Variants in WAPL observed in about 807,000 individuals in gnomAD.
WAPL encodes the protein WAPL cohesin release factor, also known as wings apart-like protein homolog.
In WAPL, 5 loss-of-function variants were observed where a neutral mutation model predicts 121.0. The observed-to-expected ratio is 0.04, with a 90% CI of 0.02 to 0.09. WAPL has a LOEUF of 0.09. Among genes scored for constraint, WAPL ranks in the 10% least tolerant of loss-of-function variants. WAPL has a pLI of 1.00. For missense variants in WAPL, 999 were observed against 1,410.8 expected, an observed-to-expected ratio of 0.71 and a Z score of 4.68; for synonymous variants, 480 against 481.5, an observed-to-expected ratio of 1.00 and a Z score of 0.04.
At chr10:86,488,109 G>A (rs1589524603) in intron 4 of WAPL, among the ~76,000 whole-genome samples, 1 of 152,122 alleles carries the variant, frequency 6.6e-6, no homozygotes. Flanking sequence ...TCGGCGAAGG[G>A]AATTAAAATA....
chr10:86,517,030 G>A (rs1214645176), intron 2 of WAPL, among the ~76,000 whole-genome samples: 1 of 151,846 alleles, frequency 6.6e-6, no homozygotes, highest in African/African-American at 2.4e-5. Context: ...CAGCATGGGC[G>A]ACAGCGAGAC....
chr10:86,473,427 G>T (rs879458972), intron 5 of WAPL, among the ~76,000 whole-genome samples: 4 of 152,124 alleles, frequency 2.6e-5, no homozygotes, highest in Non-Finnish European at 4.4e-5. Flanking sequence ...AAGTTGCTAA[G>T]AATCTTTTTC....
At chr10:86,467,715 C>T (rs1388962028) in intron 8 of WAPL, among the ~76,000 whole-genome samples, 2 of 146,400 alleles carry the variant, frequency 1.4e-5, no homozygotes, top group African/African-American at 5.1e-5. Context: ...CTTACTCTGT[C>T]GCCCAGGCTG....
intron 8 of WAPL, among the ~76,000 whole-genome samples, chr10:86,468,103 T>C (rs969142321): frequency 6.6e-6 from 1 of 152,214 alleles, no homozygotes; most frequent in Non-Finnish European, 1.5e-5. Flanking sequence ...CTGAGTTACA[T>C]ATTTCTTAGG....
intron 1 of WAPL, among the ~76,000 whole-genome samples, chr10:86,518,831 C>A (rs1842611619): frequency 1.3e-5 from 2 of 152,170 alleles, no homozygotes; most frequent in Admixed American, 6.5e-5. Flanking sequence ...TCATGTTTTA[C>A]AACCTGCAGC....
intron 12 of WAPL, among the ~76,000 whole-genome samples, chr10:86,457,527 C>G (rs1357843884): frequency 1.3e-5 from 2 of 151,840 alleles, no homozygotes; most frequent in African/African-American, 4.8e-5. Flanking sequence ...GTGGCGCACA[C>G]CTGTTGTCCC....
chr10:86,471,180 C>T, intron 7 of WAPL, 77 bp from the exon 8 acceptor site: 1 of 1,163,944 alleles, frequency 8.6e-7, no homozygotes, highest in Non-Finnish European at 1.3e-6. Context: ...ATACCAAAAC[C>T]AGCAAATAGG....
rs1841425479 is a variant in WAPL, at chr10:86,467,498, G to C, written c.2151C>G (p.Ser717=). The C allele has an allele frequency of 6.2e-7, 1 of 1,603,408 alleles. No homozygotes were observed. The highest frequency in any genetic ancestry group is 8.5e-7 in the Non-Finnish European group (1 of 1,176,546). Residue 717 remains serine (S), a synonymous_variant, in exon 9 of 19, where the codon TCC becomes TCG. Transcript: ENST00000298767. Reference sequence around the variant, plus strand: ...TATACATGAGGGCAGCTGTACAGAGGGACAGATTCTTCAACAGGCCAAAAA... The same window carrying C: ...TATACATGAGGGCAGCTGTACAGAGCGACAGATTCTTCAACAGGCCAAAAA... ...LDDSQHHQNL[S]LCTAALMYIL... is the part of the protein sequence containing the mutation.
Position 86,518,050 on chromosome 10 carries a change from T to C in WAPL, c.20A>G (p.Lys7Arg). The stretch of plus-strand genomic sequence containing the variant: ...ATTTCCACCTTTCCTACTGTATGTT[T>C]TCCCAAATCTGGATGTCATTTTGAC... MTSRFG[K>R]TYSRKGGNGS... The change falls in exon 2 of 19, where the codon AAA becomes AGA. Residue 7 changes from lysine (K) to arginine (R), a missense_variant. By Grantham distance (26) the Lys-to-Arg change is conservative. Coordinates refer to ENST00000298767, the MANE Select transcript of WAPL (RefSeq NM_015045.5). 1 of 1,612,700 alleles carries C rather than the reference T, an allele frequency of 6.2e-7. No homozygotes were observed.
rs1055189201 is a variant in WAPL, at chr10:86,506,700, G to C, written c.500-5957C>G. ...AGCTACTCAGGAAGTGGGGGTAGGAGGATCACTTAAGCCCAGGAGTTTAAG... is the reference window on the plus strand; with the variant it reads ...AGCTACTCAGGAAGTGGGGGTAGGACGATCACTTAAGCCCAGGAGTTTAAG... On this transcript the variant is annotated intron_variant, in intron 2 of 18. Coordinates refer to ENST00000298767, the MANE Select transcript of WAPL (RefSeq NM_015045.5). 7.2e-5 allele frequency among the ~76,000 whole-genome samples: 11 copies of C among 152,064 alleles called. No homozygotes were observed. In the East Asian group the frequency reaches 1.9e-3, roughly 27 times the overall value.
rs1849329395 is a variant in WAPL, at chr10:86,436,628, C to T, written c.*915G>A. 6.6e-6 allele frequency: 1 copy of T among 152,670 alleles called. No individual in the cohort carries two copies. The highest frequency in any genetic ancestry group is 1.5e-5 in the Non-Finnish European group (1 of 68,038). The allele number at this position is 152,670 out of a possible 1,614,324, so 9.5% of individuals were successfully genotyped here. ...ATGTTATCTGGAAACAGGAATTCCACATTGGTGTTTTAGCTTCCTTATATT... is the reference window on the plus strand; with the variant it reads ...ATGTTATCTGGAAACAGGAATTCCATATTGGTGTTTTAGCTTCCTTATATT... On this transcript the variant is annotated 3_prime_UTR_variant, in exon 19 of 19. Transcript: ENST00000298767.
chr10:86,451,994 T>C lies in WAPL; in HGVS notation c.3087A>G (p.Gln1029=). The change falls in exon 15 of 19, where the codon CAA becomes CAG. Residue 1029 remains glutamine (Q), a synonymous_variant. Transcript: ENST00000298767. ...EGDDSLRIGG[Q]VHAVQALVQL... ...GCACTAAAGCCTGGACAGCATGAAC[T>C]TGTCCACCTATCCTTAAACTATCAT... The C allele has an allele frequency of 6.2e-7, 1 of 1,614,190 alleles. No individual in the cohort carries two copies. The highest frequency in any genetic ancestry group is 1.1e-5 in the South Asian group (1 of 91,086).
At chr10:86,444,509 A>G (rs749336700) in intron 16 of WAPL, among the ~76,000 whole-genome samples, 7 of 152,234 alleles carry the variant, frequency 4.6e-5, no homozygotes, top group Non-Finnish European at 1.0e-4. Context: ...CAGTATTAAC[A>G]AATACTGTAT....
In WAPL at chr10:86,453,351, G is replaced by C. The variant is rs765181153; in HGVS notation, c.2834-16C>G. The C allele has an allele frequency of 3.1e-6, 5 of 1,611,106 alleles. No individual in the cohort carries two copies. Among genetic ancestry groups the C allele is most frequent in the Admixed American group, 3.3e-5 (2 of 59,866 alleles). On this transcript the variant is annotated splice_polypyrimidine_tract_variant and intron_variant, in intron 13 of 18. Transcript: ENST00000298767. ...CTGCCCCACTCTGAAATAAGAAATGGATACAGGAAAATGGTTACTGATTCT... is the reference window on the plus strand; with the variant it reads ...CTGCCCCACTCTGAAATAAGAAATGCATACAGGAAAATGGTTACTGATTCT...
At chr10:86,446,136 A>G in intron 16 of WAPL, 106 bp downstream of exon 16, 2 of 1,269,836 alleles carry the variant, frequency 1.6e-6, no homozygotes, top group Non-Finnish European at 2.2e-6. Flanking sequence ...AGAGGTCCTC[A>G]AGCAATAGCC....
At chr10:86,457,783 G>C (rs1439202991) in intron 12 of WAPL, among the ~76,000 whole-genome samples, 1 of 152,152 alleles carries the variant, frequency 6.6e-6, no homozygotes, top group Non-Finnish European at 1.5e-5. Flanking sequence ...CTGAAAATTA[G>C]AATATTGACT....
intron 2 of WAPL, among the ~76,000 whole-genome samples, chr10:86,513,136 TC>T (rs1273631789): frequency 6.6e-6 from 1 of 151,996 alleles, no homozygotes; most frequent in Non-Finnish European, 1.5e-5. Context: ...AACCTCTACC[TC>T]CCCGATTCAA....
chr10:86,501,344 A>G (rs766987474), intron 2 of WAPL, among the ~76,000 whole-genome samples: 5 of 152,220 alleles, frequency 3.3e-5, no homozygotes, highest in East Asian at 3.8e-4. Context: ...CTATTTATGC[A>G]TATCAGCCAG....
At chr10:86,521,020 G>A (rs1214153467) in intron 1 of WAPL, among the ~76,000 whole-genome samples, 1 of 152,048 alleles carries the variant, frequency 6.6e-6, no homozygotes, top group African/African-American at 2.4e-5. Context: ...GGAAAGGGAG[G>A]TCACTTTCGA....
Sources: gnomAD v4.1 joint callset for allele counts (sites outside exome capture counted in the v4.1 genomes callset) on GRCh38, gnomAD v4.1.1 for gene constraint, MANE v1.5 for transcripts, NCBI Gene and HGNC (gene_info 2026-07-23, HGNC 2026-07-21) for gene names.